PPFIA2: variants seen among roughly 807,000 people sequenced by gnomAD.
PPFIA2 encodes the protein liprin-alpha-2.
Under a neutral mutation model 175.5 loss-of-function variants are expected in PPFIA2, and 46 were observed. The ratio of observed to expected loss-of-function variants is 0.26; its 90% CI spans 0.21 to 0.34. The LOEUF (loss-of-function observed/expected upper bound fraction) is 0.34, where lower values mean the gene tolerates loss of function less well. Among genes scored for constraint, PPFIA2 ranks in the 10% least tolerant of loss-of-function variants. The probability of loss-of-function intolerance (pLI) is 1.00; values close to 1 mark genes in which losing one functional copy is unlikely to be tolerated. For missense variants in PPFIA2, 1,179 were observed against 1,506.1 expected (o/e 0.78, Z 3.60); for synonymous variants, 568 against 511.4 (o/e 1.11, Z -1.49).
chr12:81,446,460 T>A (rs1263288225), intron 5 of PPFIA2, among the ~76,000 whole-genome samples: 2 of 152,146 alleles, frequency 1.3e-5, no homozygotes, highest in African/African-American at 4.8e-5. Context: ...TTTTGTGAAT[T>A]GGGGTTTCAT....
At position 81,752,670 on chromosome 12, in the gene PPFIA2, T is replaced by A. The variant is rs186443263; in HGVS notation, c.249+1303A>T. Among the ~76,000 whole-genome samples, 300 of 152,370 alleles carry A rather than the reference T, an allele frequency of 2.0e-3. 1 individual carries two copies. The highest frequency in any genetic ancestry group is 6.9e-3 in the African/African-American group (289 of 41,592). On this transcript the variant is annotated intron_variant, in intron 3 of 32. Coordinates refer to ENST00000549396, the MANE Select transcript of PPFIA2 (RefSeq NM_003625.5). ...TCCTTTCCATTTTGAGAGTCATAAA[T>A]ATCTCTATGAGTTAATAGTACAGAT...
intron 4 of PPFIA2, among the ~76,000 whole-genome samples, chr12:81,588,350 C>T (rs2075575817): frequency 1.3e-5 from 2 of 151,978 alleles, no homozygotes; most frequent in African/African-American, 2.4e-5. Context: ...AGCACACACA[C>T]TCAAAATAAT....
chr12:81,637,350 C>T (rs1003123277), intron 4 of PPFIA2, among the ~76,000 whole-genome samples: 6 of 146,766 alleles, frequency 4.1e-5, no homozygotes, highest in South Asian at 2.2e-4. Flanking sequence ...GTGTTCCGCC[C>T]GCCTCGGCCT....
chr12:81,356,093 C>T (rs11833803), intron 16 of PPFIA2, among the ~76,000 whole-genome samples: 9,223 of 152,138 alleles, frequency 0.061, 353 homozygotes, highest in African/African-American at 0.11. Flanking sequence ...GAGAGATGTG[C>T]AACTCTTACT....
At chr12:81,285,298 T>G (rs532892448) in intron 24 of PPFIA2, among the ~76,000 whole-genome samples, 1 of 152,240 alleles carries the variant, frequency 6.6e-6, no homozygotes, top group South Asian at 2.1e-4. Flanking sequence ...TCCTATATAT[T>G]ATCTGCTACT....
At chr12:81,401,395 T>C (rs1207007788) in intron 8 of PPFIA2, among the ~76,000 whole-genome samples, 2 of 152,180 alleles carry the variant, frequency 1.3e-5, no homozygotes, top group Non-Finnish European at 2.9e-5. Flanking sequence ...GTCAGCGGTG[T>C]TAAGGGTAAG....
chr12:81,526,799 T>G (rs1348170707), intron 4 of PPFIA2, among the ~76,000 whole-genome samples: 1 of 152,192 alleles, frequency 6.6e-6, no homozygotes, highest in Non-Finnish European at 1.5e-5. Context: ...CAATACCCAG[T>G]GGTTCTGAGT....
chr12:81,460,379 G>A (rs973943417), intron 4 of PPFIA2, among the ~76,000 whole-genome samples: 1 of 152,078 alleles, frequency 6.6e-6, no homozygotes, highest in Non-Finnish European at 1.5e-5. Flanking sequence ...GGAGCTGTGA[G>A]TCCATTAAAC....
chr12:81,743,203 G>C (rs1022869372), intron 3 of PPFIA2, among the ~76,000 whole-genome samples: 1 of 151,674 alleles, frequency 6.6e-6, no homozygotes, highest in Non-Finnish European at 1.5e-5. Context: ...TCAATCACGA[G>C]GTCAGGAGAT....
At chr12:81,324,480 C>T (rs575906094) in intron 22 of PPFIA2, among the ~76,000 whole-genome samples, 35 of 151,840 alleles carry the variant, frequency 2.3e-4, no homozygotes, top group Non-Finnish European at 3.8e-4. Context: ...TAAACTGAGT[C>T]CATTAGTCAG....
chr12:81,517,697 A>T (rs1289910986), intron 4 of PPFIA2, among the ~76,000 whole-genome samples: 1 of 152,140 alleles, frequency 6.6e-6, no homozygotes, highest in South Asian at 2.1e-4. Flanking sequence ...CATTAAAAGG[A>T]GATTGGTATG....
At chr12:81,326,303 G>C (rs922111951) in intron 21 of PPFIA2, among the ~76,000 whole-genome samples, 4 of 152,056 alleles carry the variant, frequency 2.6e-5, no homozygotes, top group African/African-American at 4.8e-5. Flanking sequence ...CAATTGGGTA[G>C]GAACTCAAGT....
chr12:81,532,328 G>A (rs1000351560), intron 4 of PPFIA2, among the ~76,000 whole-genome samples: 2 of 151,526 alleles, frequency 1.3e-5, no homozygotes, highest in Non-Finnish European at 3.0e-5. Flanking sequence ...GCAGAGCAGA[G>A]AGAAAAAAAG....
chr12:81,618,600 C>T (rs1163019504), intron 4 of PPFIA2, among the ~76,000 whole-genome samples: 1 of 145,986 alleles, frequency 6.8e-6, no homozygotes, highest in African/African-American at 2.6e-5. Flanking sequence ...GCGACCTCGG[C>T]TCACTGCAAG....
chr12:81,723,414 T>C (rs997746694), intron 3 of PPFIA2, among the ~76,000 whole-genome samples: 2 of 151,018 alleles, frequency 1.3e-5, no homozygotes, highest in African/African-American at 2.4e-5. Context: ...AGAATGTTAA[T>C]AAGTCAAAAG....
At chr12:81,520,355 T>C (rs1470180391) in intron 4 of PPFIA2, among the ~76,000 whole-genome samples, 1 of 152,154 alleles carries the variant, frequency 6.6e-6, no homozygotes, top group African/African-American at 2.4e-5. Context: ...GAATGGTGGG[T>C]AGCAACTTAA....
chr12:81,682,019 T>C (rs1020463339), intron 3 of PPFIA2, among the ~76,000 whole-genome samples: 9 of 152,050 alleles, frequency 5.9e-5, no homozygotes, highest in Non-Finnish European at 8.8e-5. Context: ...ACTTAAAACA[T>C]TATAATAATT....
Position 81,258,350 on chromosome 12 carries a change from A to C in PPFIA2, c.*1344T>G. ...CTGAATCTGTTAAATAAAAATAGAC[A>C]TCAAAACAAATGTAATGTACGTGCA... is the stretch of plus-strand genomic sequence containing the variant. On this transcript the variant is annotated 3_prime_UTR_variant, in exon 33 of 33. Transcript: ENST00000549396. The C allele has an allele frequency of 6.6e-6, 1 of 152,172 alleles. No homozygotes were observed. The allele number at this position is 152,172 out of a possible 1,614,324, so 9.4% of individuals were successfully genotyped here. A position where few individuals can be genotyped will look rare whatever the true frequency, so the allele number is the denominator to read the frequency against.
intron 4 of PPFIA2, among the ~76,000 whole-genome samples, chr12:81,604,738 A>G (rs930146877): frequency 1.3e-5 from 2 of 151,742 alleles, no homozygotes; most frequent in Non-Finnish European, 3.0e-5. Context: ...ACAGACCACT[A>G]CCAAAAATTT....
Sources: allele counts gnomAD v4.1 joint callset (sites outside exome capture counted in the v4.1 genomes callset), GRCh38; gene constraint gnomAD v4.1.1; transcripts MANE v1.5; gene names NCBI Gene and HGNC (gene_info 2026-07-23, HGNC 2026-07-21).